TSPAN9: variants seen among roughly 807,000 people sequenced by gnomAD.
TSPAN9 encodes the protein tetraspanin-9.
In TSPAN9, 16 loss-of-function variants were observed where a neutral mutation model predicts 31.0. That is an observed-to-expected ratio of 0.52 (90% confidence interval 0.35 to 0.78). The LOEUF is 0.78. Ranked by LOEUF, TSPAN9 falls within the 30% of genes least tolerant of loss-of-function variation. The probability of loss-of-function intolerance (pLI) is 0.01; values close to 1 mark genes in which losing one functional copy is unlikely to be tolerated. For missense variants in TSPAN9, 272 were observed against 312.5 expected, an observed-to-expected ratio of 0.87 and a Z score of 0.98; for synonymous variants, 145 against 121.6, an observed-to-expected ratio of 1.19 and a Z score of -1.27.
intron 2 of TSPAN9, among the ~76,000 whole-genome samples, chr12:3,111,620 T>C (rs2098318762): frequency 6.6e-6 from 1 of 151,344 alleles, no homozygotes; most frequent in South Asian, 2.1e-4. Flanking sequence ...TTTTTTTTTT[T>C]TTTTTGAGAC....
At chr12:3,134,921 A>G (rs1007843187) in intron 2 of TSPAN9, among the ~76,000 whole-genome samples, 2 of 152,092 alleles carry the variant, frequency 1.3e-5, no homozygotes, top group Non-Finnish European at 2.9e-5. Flanking sequence ...AGGAAGAAGA[A>G]CAATGTGGGG....
intron 2 of TSPAN9, among the ~76,000 whole-genome samples, chr12:3,116,769 G>A (rs781664923): frequency 7.2e-5 from 11 of 152,300 alleles, no homozygotes; most frequent in Non-Finnish European, 1.2e-4. Flanking sequence ...CTGCCCTGTC[G>A]TCCGCATGAC....
chr12:3,220,458 C>G (rs540857489), intron 3 of TSPAN9, among the ~76,000 whole-genome samples: 1 of 152,204 alleles, frequency 6.6e-6, no homozygotes, highest in South Asian at 2.1e-4. Context: ...GACTCTCCAG[C>G]GGTGCCTGCA....
At chr12:3,082,047 A>G (rs1405159654) in intron 1 of TSPAN9, among the ~76,000 whole-genome samples, 1 of 152,066 alleles carries the variant, frequency 6.6e-6, no homozygotes, top group Admixed American at 6.6e-5. Flanking sequence ...AATAAAAAAG[A>G]TAAACGTCCT....
chr12:3,209,612 G>A (rs1252916777), intron 3 of TSPAN9, among the ~76,000 whole-genome samples: 4 of 152,198 alleles, frequency 2.6e-5, no homozygotes, highest in African/African-American at 4.8e-5. Flanking sequence ...GTACCTGAGT[G>A]AGTCAGCTGA....
chr12:3,181,638 G>A (rs11062554), intron 2 of TSPAN9, among the ~76,000 whole-genome samples: 51,740 of 151,870 alleles, frequency 0.34, 9,857 homozygotes, highest in African/African-American at 0.51. Flanking sequence ...GAAGGGAGGT[G>A]GGCTTTATGC....
At chr12:3,266,688 G>C (rs1244681923) in intron 3 of TSPAN9, among the ~76,000 whole-genome samples, 2 of 152,220 alleles carry the variant, frequency 1.3e-5, no homozygotes, top group African/African-American at 4.8e-5. Context: ...ACTTAAGTTG[G>C]TGCTGAGACC....
intron 2 of TSPAN9, among the ~76,000 whole-genome samples, chr12:3,131,572 C>T (rs552545834): frequency 2.9e-4 from 44 of 152,194 alleles, no homozygotes; most frequent in Middle Eastern, 6.8e-3. Flanking sequence ...CTGGCCTGAC[C>T]GTGGCAGGTG....
chr12:3,263,203 A>C (rs997689210), intron 3 of TSPAN9, among the ~76,000 whole-genome samples: 2 of 152,204 alleles, frequency 1.3e-5, no homozygotes, highest in Non-Finnish European at 2.9e-5. Context: ...GCAGAAGCAC[A>C]GTCATAGGTT....
intron 3 of TSPAN9, among the ~76,000 whole-genome samples, chr12:3,247,299 G>GCCGCCCCCC (rs1862154801): frequency 2.9e-4 from 11 of 37,458 alleles, no homozygotes; most frequent in South Asian, 1.8e-3. Flanking sequence ...TTACTGGCCA[G>GCCGCCCCCC]CCCCCCCCCC....
chr12:3,178,989 G>A (rs968133589), intron 2 of TSPAN9, among the ~76,000 whole-genome samples: 3 of 152,230 alleles, frequency 2.0e-5, no homozygotes, highest in Non-Finnish European at 4.4e-5. Context: ...TCCTGGGAGG[G>A]CGGAGGAATG....
chr12:3,135,807 G>A (rs909360265), intron 2 of TSPAN9, among the ~76,000 whole-genome samples: 1 of 152,194 alleles, frequency 6.6e-6, no homozygotes, highest in Non-Finnish European at 1.5e-5. Context: ...GGATGAAGCC[G>A]AGGCAGCCCT....
At chr12:3,088,686 C>T (rs1439233223) in intron 2 of TSPAN9, among the ~76,000 whole-genome samples, 1 of 152,148 alleles carries the variant, frequency 6.6e-6, no homozygotes, top group Non-Finnish European at 1.5e-5. Flanking sequence ...TTCTTGGCAT[C>T]CATTTGAGAA....
chr12:3,281,595 G>A (rs926753645), intron 7 of TSPAN9, 139 bp from the exon 8 acceptor site: 2 of 1,137,980 alleles, frequency 1.8e-6, no homozygotes, highest in Admixed American at 5.1e-5. Flanking sequence ...TGCGCCAAGG[G>A]ATGGGGACAG....
chr12:3,163,392 G>A (rs1305946108), intron 2 of TSPAN9, among the ~76,000 whole-genome samples: 1 of 152,202 alleles, frequency 6.6e-6, no homozygotes, highest in Non-Finnish European at 1.5e-5. Flanking sequence ...AGATATTTGT[G>A]TGTCTGTTTT....
rs145079008 is a variant in TSPAN9 at position 3,180,925 on chromosome 12, C to A, written c.-17-20252C>A. 3.0e-4 allele frequency among the ~76,000 whole-genome samples: 46 copies of A among 152,252 alleles called. No individual in the cohort carries two copies. In the East Asian group the frequency reaches 7.4e-3, roughly 24 times the overall value. On this transcript the variant is annotated intron_variant, in intron 2 of 8. Coordinates refer to ENST00000011898, the MANE Select transcript of TSPAN9 (RefSeq NM_006675.5). ...TTCTGTGCACCTGCTGTGTGCCAGG[C>A]GCTTAGGTGGTGCTAGAGGTACCGC...
Position 3,191,340 on chromosome 12 carries a change from C to T in TSPAN9, c.-17-9837C>T, listed in dbSNP as rs114365344. On this transcript the variant is annotated intron_variant, in intron 2 of 8. Transcript: ENST00000011898. ...TTCCAGTGGAGCGTGTGGGTGCCTC[C>T]CAAATGTCCTGGGCCCTCTGCTGTG... Among the ~76,000 whole-genome samples the T allele has an allele frequency of 4.2e-3, 636 of 152,254 alleles. 4 individuals carry two copies. The highest frequency in any genetic ancestry group is 0.014 in the African/African-American group (597 of 41,526).
At chr12:3,275,710 G>A (rs1193017039) in intron 3 of TSPAN9, among the ~76,000 whole-genome samples, 3 of 152,256 alleles carry the variant, frequency 2.0e-5, no homozygotes, top group East Asian at 1.9e-4. Context: ...GTCTCAGTGT[G>A]CCCATTCTTT....
intron 2 of TSPAN9, among the ~76,000 whole-genome samples, chr12:3,169,043 G>C (rs1264506430): frequency 6.6e-6 from 1 of 152,228 alleles, no homozygotes; most frequent in Non-Finnish European, 1.5e-5. Flanking sequence ...CAGTCTGCCA[G>C]GATGAGACTA....
Sources: gnomAD v4.1 joint callset for allele counts (sites outside exome capture counted in the v4.1 genomes callset) on GRCh38, gnomAD v4.1.1 for gene constraint, MANE v1.5 for transcripts, NCBI Gene and HGNC (gene_info 2026-07-23, HGNC 2026-07-21) for gene names.